LAMC3: variants seen among roughly 807,000 people sequenced by gnomAD.
LAMC3 encodes the protein laminin subunit gamma-3.
Under a neutral mutation model 173.8 loss-of-function variants are expected in LAMC3, and 128 were observed. The observed-to-expected ratio is 0.74, with a 90% CI of 0.64 to 0.85. LAMC3 has a LOEUF of 0.85. Among genes scored for constraint, LAMC3 ranks in the 40% least tolerant of loss-of-function variants. LAMC3 has a pLI of 0.00. For synonymous variants in LAMC3, 897 were observed against 909.1 expected, an observed-to-expected ratio of 0.99 and a Z score of 0.24; for missense variants, 2,022 against 2,156.0, an observed-to-expected ratio of 0.94 and a Z score of 1.23.
At chr9:131,072,560 C>T (rs1401933573) in intron 18 of LAMC3, 70 bp from the exon 19 acceptor site, 1 of 1,361,948 alleles carries the variant, frequency 7.3e-7, no homozygotes, top group African/African-American at 1.4e-5. Flanking sequence ...AGAAGGGGAC[C>T]CCTGGGGGTG....
intron 8 of LAMC3, 24 bp from the exon 9 acceptor site, chr9:131,048,996 G>A: frequency 6.9e-7 from 1 of 1,457,096 alleles, no homozygotes; most frequent in South Asian, 1.2e-5. Flanking sequence ...CACTGATCGG[G>A]GGGTGTCTGT....
chr9:131,073,160 G>A (rs1040212963), intron 19 of LAMC3, 85 bp from the exon 20 acceptor site: 2 of 1,041,696 alleles, frequency 1.9e-6, no homozygotes, highest in African/African-American at 1.6e-5. Flanking sequence ...GTGCCATCCA[G>A]TTCTGCCTCA....
chr9:131,071,236 C>T (rs536384608), intron 17 of LAMC3, among the ~76,000 whole-genome samples: 9 of 152,244 alleles, frequency 5.9e-5, no homozygotes, highest in East Asian at 1.9e-4. Flanking sequence ...CCCCACCTTC[C>T]GAGGTAGGAC....
rs573520132 is a variant in LAMC3, at chr9:131,069,748, C to T, written c.2967C>T (p.Phe989=). 56 of 1,599,338 alleles carry T rather than the reference C, an allele frequency of 3.5e-5. No homozygotes were observed. The highest frequency in any genetic ancestry group is 1.7e-4 in the African/African-American group (13 of 74,854). The change falls in exon 17 of 28, where the codon TTC becomes TTT. Residue 989 remains phenylalanine, a synonymous_variant. Coordinates refer to ENST00000361069, the MANE Select transcript of LAMC3 (RefSeq NM_006059.4). ...ENGTCVCRPG[F]EGYKCDRCHD... ...GCACATGCGTGTGCAGGCCTGGCTTCGAGGGCTACAAATGTGACCGCTGCC... is the reference window on the plus strand; with the variant it reads ...GCACATGCGTGTGCAGGCCTGGCTTTGAGGGCTACAAATGTGACCGCTGCC...
intron 25 of LAMC3, chr9:131,085,968 G>T: frequency 1.7e-6 from 1 of 575,870 alleles, no homozygotes; most frequent in Non-Finnish European, 3.1e-6. Flanking sequence ...ACTTAACCAG[G>T]ACTTACACCT....
At chr9:131,048,010 C>T (rs890638632) in intron 8 of LAMC3, among the ~76,000 whole-genome samples, 17 of 145,982 alleles carry the variant, frequency 1.2e-4, no homozygotes, top group African/African-American at 2.5e-4. Context: ...CCTCCCAGAG[C>T]GCTAGGATTA....
chr9:131,088,320 GGAA>G (rs1830364257), intron 27 of LAMC3, among the ~76,000 whole-genome samples: 1 of 152,160 alleles, frequency 6.6e-6, no homozygotes, highest in South Asian at 2.1e-4. Flanking sequence ...TCCCCCATCT[GGAA>G]AATGGGAGTA....
chr9:131,032,557 GCT>G (rs58169839), intron 3 of LAMC3, among the ~76,000 whole-genome samples: 4 of 132,104 alleles, frequency 3.0e-5, no homozygotes, highest in East Asian at 4.3e-4. Flanking sequence ...GCTCTCTCTC[GCT>G]CTCTCTCTTG....
At chr9:131,046,499 A>G (rs893034579) in intron 8 of LAMC3, among the ~76,000 whole-genome samples, 1 of 122,084 alleles carries the variant, frequency 8.2e-6, no homozygotes. Context: ...GTGCACCACC[A>G]TGCCGAGCTA....
Position 131,036,211 on chromosome 9 carries a change from A to G in LAMC3, c.855A>G (p.Ala285=), listed in dbSNP as rs2275132. 1,314,502 of 1,612,982 alleles carry G rather than the reference A, an allele frequency of 0.81. 537,315 individuals carry two copies. The highest frequency in any genetic ancestry group is 0.94 in the African/African-American group (70,622 of 75,008). Reference sequence around the variant, plus strand: ...CCAGCGAGTGCGGCCCCGACGTGGCAGGCCAGTTGGCCTGCCGGTGCCAGC... The same window carrying G: ...CCAGCGAGTGCGGCCCCGACGTGGCGGGCCAGTTGGCCTGCCGGTGCCAGC... ...GHASECGPDV[A]GQLACRCQHN... Residue 285 remains alanine (A), a synonymous_variant, in exon 4 of 28, where the codon GCA becomes GCG. Transcript: ENST00000361069.
intron 25 of LAMC3, chr9:131,086,002 A>G: frequency 1.9e-6 from 1 of 522,908 alleles, no homozygotes; most frequent in East Asian, 3.2e-5. Flanking sequence ...TTCCTGCCTA[A>G]ACTTCTAGGT....
At chr9:131,049,699 A>T (rs900358616) in intron 9 of LAMC3, among the ~76,000 whole-genome samples, 1 of 152,184 alleles carries the variant, frequency 6.6e-6, no homozygotes, top group Non-Finnish European at 1.5e-5. Context: ...GGGCTTCTTC[A>T]GTGCCACAGG....
At chr9:131,061,686 G>A (rs1304163530) in intron 13 of LAMC3, among the ~76,000 whole-genome samples, 2 of 152,098 alleles carry the variant, frequency 1.3e-5, no homozygotes, top group Admixed American at 6.6e-5. Flanking sequence ...AGACATCCTC[G>A]ACTCTGATTT....
chr9:131,053,296 G>C (rs149931892), intron 11 of LAMC3, among the ~76,000 whole-genome samples: 2 of 152,130 alleles, frequency 1.3e-5, no homozygotes, highest in African/African-American at 4.8e-5. Flanking sequence ...CAAGCCCCCT[G>C]TCCCCGCTGG....
intron 22 of LAMC3, 35 bp from the exon 23 acceptor site, chr9:131,079,114 T>C: frequency 6.2e-7 from 1 of 1,607,796 alleles, no homozygotes; most frequent in Non-Finnish European, 8.5e-7. Flanking sequence ...GCCCTTCCTT[T>C]CCAGGCCCTG....
intron 13 of LAMC3, among the ~76,000 whole-genome samples, chr9:131,061,772 G>T (rs904486126): frequency 1.3e-5 from 2 of 152,196 alleles, no homozygotes; most frequent in Non-Finnish European, 2.9e-5. Context: ...CAATTCGGCT[G>T]GGTGTGGTGG....
At chr9:131,052,747 A>G (rs998966709) in intron 10 of LAMC3, 64 bp downstream of exon 10, 2 of 1,487,430 alleles carry the variant, frequency 1.3e-6, no homozygotes, top group Non-Finnish European at 1.9e-6. Context: ...AGGTCCGGGC[A>G]CATTTCAGAT....
Position 131,031,879 on chromosome 9 carries a change from C to T in LAMC3, c.679-166C>T, listed in dbSNP as rs537555107. ...ACCCAGGTTGGGGTGACCCCCAAAG[C>T]ACAGCCTCCTTATTTCTGCAGTGTT... On this transcript the variant is annotated intron_variant, in intron 2 of 27. Coordinates refer to ENST00000361069, the MANE Select transcript of LAMC3 (RefSeq NM_006059.4). 1.9e-4 allele frequency among the ~76,000 whole-genome samples: 29 copies of T among 152,366 alleles called. No homozygotes were observed. The South Asian group carries it at 6.0e-3, about 32-fold the overall frequency.
At position 131,052,673 on chromosome 9, in the gene LAMC3, C is replaced by T; in HGVS notation, c.1813C>T (p.Leu605Phe). Reference protein sequence around the residue: ...QDAGHPREVELRFHLQETSED... With the variant: ...QDAGHPREVEFRFHLQETSED... Reference sequence around the variant, plus strand: ...TGCCGGGCATCCCAGGGAGGTAGAGCTCAGGTTCCAGTAAGTATCCCCTTC... The same window carrying T: ...TGCCGGGCATCCCAGGGAGGTAGAGTTCAGGTTCCAGTAAGTATCCCCTTC... Residue 605 changes from leucine (L) to phenylalanine (F), a missense_variant, in exon 10 of 28, where the codon CTC (leucine) becomes TTC (phenylalanine). Leu to Phe is a conservative substitution (Grantham distance 22). Coordinates refer to ENST00000361069, the MANE Select transcript of LAMC3 (RefSeq NM_006059.4). 3.1e-6 allele frequency: 5 copies of T among 1,613,484 alleles called. No individual in the cohort carries two copies. Among genetic ancestry groups the T allele is most frequent in the Non-Finnish European group, 4.2e-6 (5 of 1,179,766 alleles).
Sources: gnomAD v4.1 joint callset for allele counts (sites outside exome capture counted in the v4.1 genomes callset) on GRCh38, gnomAD v4.1.1 for gene constraint, MANE v1.5 for transcripts, NCBI Gene and HGNC (gene_info 2026-07-23, HGNC 2026-07-21) for gene names.